Variants in ZDHHC11 observed in about 807,000 individuals in gnomAD.
ZDHHC11 encodes the protein zDHHC palmitoyltransferase 11, also known as palmitoyltransferase ZDHHC11.
ZDHHC11 carries 44 observed loss-of-function variants against 51.3 expected under a neutral mutation model. The observed-to-expected ratio is 0.86, with a 90% CI of 0.67 to 1.10. The LOEUF (loss-of-function observed/expected upper bound fraction) is 1.10, where lower values mean the gene tolerates loss of function less well. Among genes scored for constraint, ZDHHC11 ranks in the 50% least tolerant of loss-of-function variants. The pLI is 0.00. For missense variants in ZDHHC11, 400 were observed against 537.7 expected, an observed-to-expected ratio of 0.74 and a Z score of 2.53; for synonymous variants, 163 against 222.0, an observed-to-expected ratio of 0.73 and a Z score of 2.36.
At chr5:849,237 C>T (rs550565886) in intron 1 of ZDHHC11, among the ~76,000 whole-genome samples, 1 of 152,308 alleles carries the variant, frequency 6.6e-6, no homozygotes, top group South Asian at 2.1e-4. Flanking sequence ...TGGTTCATCC[C>T]TGTTGGACAC....
chr5:808,329 G>A (rs867741579), intron 11 of ZDHHC11, among the ~76,000 whole-genome samples: 4 of 152,146 alleles, frequency 2.6e-5, no homozygotes, highest in African/African-American at 9.6e-5. Flanking sequence ...CAGAGAGACA[G>A]CCCTATGGTA....
chr5:797,494 G>A (rs7709665), intron 12 of ZDHHC11, among the ~76,000 whole-genome samples: 4,302 of 149,762 alleles, frequency 0.029, 51 homozygotes, highest in East Asian at 0.13. Context: ...CTGTCACTTT[G>A]TATCTATTTC....
At chr5:805,669 TTTC>T (rs1441235120) in intron 11 of ZDHHC11, among the ~76,000 whole-genome samples, 11 of 151,294 alleles carry the variant, frequency 7.3e-5, no homozygotes, top group Admixed American at 6.6e-4. Context: ...AAGTGAATCA[TTTC>T]TTATCAGTAA....
chr5:805,050 A>C (rs931558782), intron 11 of ZDHHC11, among the ~76,000 whole-genome samples: 3 of 151,382 alleles, frequency 2.0e-5, no homozygotes, highest in African/African-American at 4.9e-5. Context: ...AAATATTGTT[A>C]ATGGGTGCAC....
intron 1 of ZDHHC11, among the ~76,000 whole-genome samples, chr5:858,003 G>T (rs1173663943): frequency 7.5e-6 from 1 of 132,660 alleles, no homozygotes; most frequent in African/African-American, 3.0e-5. Flanking sequence ...GGTCCCCCGG[G>T]TCTGTCCCGG....
At chr5:807,759 A>G (rs1739475049) in intron 11 of ZDHHC11, among the ~76,000 whole-genome samples, 1 of 152,032 alleles carries the variant, frequency 6.6e-6, no homozygotes, top group Admixed American at 6.6e-5. Flanking sequence ...TTATGAGATT[A>G]TAGAACCAGC....
intron 4 of ZDHHC11, among the ~76,000 whole-genome samples, chr5:843,098 CA>C (rs1745315717): frequency 6.6e-6 from 1 of 152,290 alleles, no homozygotes; most frequent in Admixed American, 6.5e-5. Context: ...CACGTCTCTC[CA>C]GTGGCTCAGT....
chr5:829,439 GA>G (rs1428601163), intron 7 of ZDHHC11, among the ~76,000 whole-genome samples: 2 of 151,952 alleles, frequency 1.3e-5, no homozygotes, highest in Non-Finnish European at 1.5e-5. Context: ...AACCCACCTA[GA>G]TTAAATCAGG....
At chr5:816,647 T>C (rs1740838935) in intron 10 of ZDHHC11, 1 of 627,188 alleles carries the variant, frequency 1.6e-6, no homozygotes, top group African/African-American at 1.8e-5. Flanking sequence ...GATTTGGGAT[T>C]ATATGCATCC....
At chr5:814,904 T>C (rs1413407596) in intron 10 of ZDHHC11, 109 bp from the exon 11 acceptor site, 8 of 1,116,298 alleles carry the variant, frequency 7.2e-6, no homozygotes, top group Non-Finnish European at 9.7e-6. Flanking sequence ...GTAATGGTAC[T>C]TCAAGAATGC....
chr5:841,217 A>G, intron 4 of ZDHHC11: 24 of 1,036,728 alleles, frequency 2.3e-5, no homozygotes, highest in Non-Finnish European at 2.8e-5. Flanking sequence ...CTGGGGTCAC[A>G]GTGCCTGCCG....
intron 6 of ZDHHC11, among the ~76,000 whole-genome samples, 195 bp downstream of exon 6, chr5:837,170 A>C (rs1561274290): frequency 6.6e-6 from 1 of 152,144 alleles, no homozygotes; most frequent in African/African-American, 2.4e-5. Flanking sequence ...TCCGTGGTGC[A>C]TGACTGGTGT....
chr5:797,697 T>C (rs1233595207), intron 12 of ZDHHC11, among the ~76,000 whole-genome samples: 1 of 151,672 alleles, frequency 6.6e-6, no homozygotes, highest in Non-Finnish European at 1.5e-5. Flanking sequence ...TTGTGTTTTC[T>C]TCATGTTTTG....
At position 850,531 on chromosome 5, in the gene ZDHHC11, C is replaced by T. The variant is rs1260595512; in HGVS notation, c.72G>A (p.Leu24=). Residue 24 remains leucine, a synonymous_variant, in exon 1 of 13, where the codon TTG becomes TTA. Coordinates refer to ENST00000283441, the MANE Select transcript of ZDHHC11 (RefSeq NM_024786.3). ...CGTTCACTCTGGAGATGCGGGGCGG[C>T]AAGACCAGCTTTTCATTATTGAGTA... is the stretch of plus-strand genomic sequence containing the variant. ...EAILNNEKLV[L]PPRISRVNGW... is the part of the protein sequence containing the mutation. 6.2e-7 allele frequency: 1 copy of T among 1,613,800 alleles called. No homozygotes were observed. Among genetic ancestry groups the T allele is most frequent in the Admixed American group, 1.7e-5 (1 of 60,030 alleles).
chr5:851,844 T>C (rs1319947932), upstream of ZDHHC11, among the ~76,000 whole-genome samples: 3 of 152,064 alleles, frequency 2.0e-5, no homozygotes, highest in Non-Finnish European at 4.4e-5. Flanking sequence ...TCACCTGAGG[T>C]CAGGAGTTCC....
At chr5:853,544 C>T (rs185829728), upstream of ZDHHC11, among the ~76,000 whole-genome samples, 37 of 135,116 alleles carry the variant, frequency 2.7e-4, no homozygotes, top group Non-Finnish European at 4.3e-4. Context: ...CAGTGAGCAG[C>T]GGGGACAGAC....
intron 9 of ZDHHC11, among the ~76,000 whole-genome samples, chr5:820,065 C>T (rs1483118500): frequency 6.6e-6 from 1 of 151,414 alleles, no homozygotes; most frequent in Non-Finnish European, 1.5e-5. Flanking sequence ...ACAACATATA[C>T]ATGTCGATTT....
At chr5:827,077 C>A (rs1391541303) in intron 7 of ZDHHC11, among the ~76,000 whole-genome samples, 2 of 144,634 alleles carry the variant, frequency 1.4e-5, no homozygotes, top group Non-Finnish European at 3.1e-5. Context: ...CTATCTCTAG[C>A]CTCTCCAAGC....
rs374151213 is a variant in ZDHHC11, at chr5:850,383, C to G, written c.220G>C (p.Val74Leu). The change falls in exon 1 of 13, where the codon GTG (valine) becomes CTG (leucine). Residue 74 changes from valine (V) to leucine (L), a missense_variant and splice_region_variant. Val to Leu is a conservative substitution (Grantham distance 32). Coordinates refer to ENST00000283441, the MANE Select transcript of ZDHHC11 (RefSeq NM_024786.3). ...LPHAWKYIAY[V>L]VTGGIFSFHL... ...CCATGCCACGATGAAAAGGATACCA[C>G]GTAGGCAATGTATTTCCACGCGTGA... is the stretch of plus-strand genomic sequence containing the variant. 1.9e-6 allele frequency: 3 copies of G among 1,613,510 alleles called. No individual in the cohort carries two copies. The highest frequency in any genetic ancestry group is 1.6e-4 in the Middle Eastern group (1 of 6,062).
Sources: gnomAD v4.1 joint callset for allele counts (sites outside exome capture counted in the v4.1 genomes callset) on GRCh38, gnomAD v4.1.1 for gene constraint, MANE v1.5 for transcripts, NCBI Gene and HGNC (gene_info 2026-07-23, HGNC 2026-07-21) for gene names.